CST7: variants seen among roughly 807,000 people sequenced by gnomAD.
CST7 encodes cystatin F, also known as cystatin-F.
Under a neutral mutation model 13.1 loss-of-function variants are expected in CST7, and 15 were observed. The ratio of observed to expected loss-of-function variants is 1.14; its 90% CI spans 0.77 to 1.76. The LOEUF is 1.76. Ranked by LOEUF, CST7 falls within the 40% of genes most tolerant of loss-of-function variation. CST7 has a pLI of 0.00. For synonymous variants in CST7, 75 were observed against 66.9 expected (o/e 1.12, Z -0.59); for missense variants, 193 against 178.8 (o/e 1.08, Z -0.45).
chr20:24,957,576 C>A, intron 2 of CST7, 117 bp downstream of exon 2: 4 of 1,039,492 alleles, frequency 3.8e-6, no homozygotes, highest in Non-Finnish European at 5.7e-6. Context: ...GAGTGCAGAG[C>A]TCTGAGCAGA....
intron 1 of CST7, among the ~76,000 whole-genome samples, chr20:24,952,854 G>GA (rs2087828517): frequency 1.3e-5 from 2 of 152,212 alleles, no homozygotes; most frequent in Admixed American, 6.5e-5. Flanking sequence ...GAACACTCCT[G>GA]AAAGAGGGAG....
intron 1 of CST7, among the ~76,000 whole-genome samples, chr20:24,955,680 A>T (rs2087849459): frequency 1.3e-5 from 2 of 152,068 alleles, no homozygotes; most frequent in Admixed American, 1.3e-4. Context: ...CGATCTCCTG[A>T]CCTCGTGATC....
At position 24,959,665 on chromosome 20, in the gene CST7, G is replaced by A. The variant is rs150607778; in HGVS notation, c.391G>A (p.Val131Met). Residue 131 changes from valine (V) to methionine (M), a missense_variant, in exon 4 of 4, where the codon GTG (valine) becomes ATG (methionine). Val to Met is a conservative substitution (Grantham distance 21, BLOSUM62 1). Transcript: ENST00000480798. ...TLSCYSEVWVVPWLQHFEVPV... is the reference protein window; with the variant it reads ...TLSCYSEVWVMPWLQHFEVPV... ...GAGCTGCTACTCTGAAGTCTGGGTC[G>A]TGCCCTGGCTCCAGCACTTCGAGGT... is the stretch of plus-strand genomic sequence containing the variant. The A allele has an allele frequency of 4.8e-5, 78 of 1,614,066 alleles. No homozygotes were observed. In the Middle Eastern group the frequency reaches 6.6e-4, roughly 14 times the overall value.
At chr20:24,949,598 C>G (rs768265509) in intron 1 of CST7, 23 bp downstream of exon 1, 1 of 1,613,256 alleles carries the variant, frequency 6.2e-7, no homozygotes, top group Non-Finnish European at 8.5e-7. Flanking sequence ...CTCCCCTGTC[C>G]GCTCCCCGGG....
Position 24,959,677 on chromosome 20 carries a change from C to T in CST7, c.403C>T (p.Gln135Ter), listed in dbSNP as rs2087883711. Residue 135 changes from glutamine (Q) to a stop codon, truncating the protein, a stop_gained, in exon 4 of 4, where the codon CAG (glutamine) becomes TAG (stop). Coordinates refer to ENST00000480798, the MANE Select transcript of CST7 (RefSeq NM_003650.4). LOFTEE classifies it high-confidence loss of function. ...TGAAGTCTGGGTCGTGCCCTGGCTC[C>T]AGCACTTCGAGGTGCCTGTTCTCCG... ...YSEVWVVPWL[Q>*]HFEVPVLRCH is the part of the protein sequence containing the mutation. 1 of 1,613,996 alleles carries T rather than the reference C, an allele frequency of 6.2e-7. No homozygotes were observed. The highest frequency in any genetic ancestry group is 1.3e-5 in the African/African-American group (1 of 74,904).
rs181711994 is a variant in CST7 at position 24,950,420 on chromosome 20, G to C, written c.70+845G>C. Among the ~76,000 whole-genome samples, 941 of 152,336 alleles carry C rather than the reference G, an allele frequency of 6.2e-3. 7 individuals carry two copies. Among genetic ancestry groups the C allele is most frequent in the South Asian group, 0.029 (142 of 4,828 alleles). ...AGAGGATGGCTCCAGAGCACCCAAG[G>C]GGTTCTTGGAGGGTTCTCACCTCCT... On this transcript the variant is annotated intron_variant, in intron 1 of 3. Transcript: ENST00000480798.
At position 24,959,705 on chromosome 20, in the gene CST7, G is replaced by A; in HGVS notation, c.431G>A (p.Cys144Tyr). The A allele has an allele frequency of 6.2e-7, 1 of 1,613,998 alleles. No homozygotes were observed. Among genetic ancestry groups the A allele is most frequent in the Non-Finnish European group, 8.5e-7 (1 of 1,180,006 alleles). Reference protein sequence around the residue: ...LQHFEVPVLRCH With the variant: ...LQHFEVPVLRYH ...CACTTCGAGGTGCCTGTTCTCCGTT[G>A]TCACTGACCCCCGCCTCTTCAGCAA... The change falls in exon 4 of 4, where the codon TGT becomes TAT. Residue 144 changes from cysteine (C) to tyrosine (Y), a missense_variant. Transcript: ENST00000480798.
At chr20:24,949,641 G>T in intron 1 of CST7, 66 bp downstream of exon 1, 3 of 1,596,548 alleles carry the variant, frequency 1.9e-6, no homozygotes, top group Non-Finnish European at 2.6e-6. Context: ...CTGGTGCCTT[G>T]GGTCTTCCCC....
intron 1 of CST7, among the ~76,000 whole-genome samples, chr20:24,950,806 C>T (rs1291071354): frequency 2.0e-5 from 3 of 152,174 alleles, no homozygotes; most frequent in Admixed American, 2.0e-4. Flanking sequence ...CTGCCTGCTG[C>T]CATTCTGTGC....
At chr20:24,949,954 G>C (rs1035309320) in intron 1 of CST7, among the ~76,000 whole-genome samples, 1 of 152,216 alleles carries the variant, frequency 6.6e-6, no homozygotes, top group Non-Finnish European at 1.5e-5. Flanking sequence ...CTGATGGCTT[G>C]TCATTCCTTC....
In CST7 at chr20:24,952,801, T is replaced by C. The variant is rs371684100; in HGVS notation, c.70+3226T>C. ...GGCACCCAGGTCCCCATCTCAGGGA[T>C]GGTTTCACAAGCAGGGGCTTCCCAA... On this transcript the variant is annotated intron_variant, in intron 1 of 3. Coordinates refer to ENST00000480798, the MANE Select transcript of CST7 (RefSeq NM_003650.4). Among the ~76,000 whole-genome samples, 16 of 152,300 alleles carry C rather than the reference T, an allele frequency of 1.1e-4. No individual in the cohort carries two copies. In the East Asian group the frequency reaches 1.7e-3, roughly 17 times the overall value.
chr20:24,957,060 C>CAGGGGGGGGGA (rs2087861529), intron 1 of CST7, among the ~76,000 whole-genome samples: 1 of 1,088 alleles, frequency 9.2e-4, no homozygotes, highest in Non-Finnish European at 2.0e-3. Context: ...TGAGGGAGAA[C>CAGGGGGGGGGA]AGGTGAGGGG....
At position 24,959,646 on chromosome 20, in the gene CST7, C is replaced by T. The variant is rs2087883377; in HGVS notation, c.372C>T (p.Cys124=). ...CTTCTCTGTTTCAGACTCTGAGCTGCTACTCTGAAGTCTGGGTCGTGCCCT... is the reference window on the plus strand; with the variant it reads ...CTTCTCTGTTTCAGACTCTGAGCTGTTACTCTGAAGTCTGGGTCGTGCCCT... ...TNHTLKQTLS[C]YSEVWVVPWL... is the part of the protein sequence containing the mutation. The change falls in exon 4 of 4, where the codon TGC becomes TGT. Residue 124 remains cysteine, a synonymous_variant. Coordinates refer to ENST00000480798, the MANE Select transcript of CST7 (RefSeq NM_003650.4). 1.9e-6 allele frequency: 3 copies of T among 1,614,132 alleles called. No homozygotes were observed. Among genetic ancestry groups the T allele is most frequent in the Non-Finnish European group, 2.5e-6 (3 of 1,180,012 alleles).
chr20:24,949,904 G>T (rs2087809326), intron 1 of CST7, among the ~76,000 whole-genome samples: 1 of 152,220 alleles, frequency 6.6e-6, no homozygotes, highest in African/African-American at 2.4e-5. Context: ...CGGGACGGAG[G>T]CGACAGGGCA....
At chr20:24,949,944 C>G (rs893739910) in intron 1 of CST7, among the ~76,000 whole-genome samples, 1 of 152,236 alleles carries the variant, frequency 6.6e-6, no homozygotes, top group Non-Finnish European at 1.5e-5. Context: ...CCGCTTCTAT[C>G]TGATGGCTTG....
chr20:24,950,544 G>A (rs2087812653), intron 1 of CST7, among the ~76,000 whole-genome samples: 1 of 152,202 alleles, frequency 6.6e-6, no homozygotes, highest in Non-Finnish European at 1.5e-5. Flanking sequence ...GAGCAGCCAA[G>A]GGGACACGGC....
chr20:24,959,854 C>G lies in CST7; in HGVS notation c.*142C>G, dbSNP rs12481584. The stretch of plus-strand genomic sequence containing the variant: ...AGCGGGTGAAGTGCCACTGGGTCAC[C>G]GCAGGGCAGCTGGAATGGCAGCATG... On this transcript the variant is annotated 3_prime_UTR_variant, in exon 4 of 4. Transcript: ENST00000480798. The G allele has an allele frequency of 4.3e-3, 3,188 of 743,906 alleles. 12 individuals carry two copies. The highest frequency in any genetic ancestry group is 6.2e-3 in the Non-Finnish European group (2,612 of 422,982). 46.1% of individuals were successfully genotyped at this position (743,906 alleles called of 1,614,324 possible). A position where few individuals can be genotyped will look rare whatever the true frequency, so the allele number is the denominator to read the frequency against.
At chr20:24,955,512 C>T (rs569198737) in intron 1 of CST7, among the ~76,000 whole-genome samples, 16 of 150,060 alleles carry the variant, frequency 1.1e-4, no homozygotes, top group Middle Eastern at 3.4e-3. Flanking sequence ...TGCAGTGGCG[C>T]GATCTCGGCT....
chr20:24,949,369 C>T lies in CST7; in HGVS notation c.-137C>T, dbSNP rs1275657692. ...GGATTGGCACGGGCACAGACCACTG[C>T]CCCCACCTGCCCTGCGCCATCTACC... On this transcript the variant is annotated 5_prime_UTR_variant, in exon 1 of 4. Coordinates refer to ENST00000480798, the MANE Select transcript of CST7 (RefSeq NM_003650.4). 7 of 1,571,530 alleles carry T rather than the reference C, an allele frequency of 4.5e-6. No individual in the cohort carries two copies. The East Asian group carries it at 1.1e-4, about 25-fold the overall frequency.
Sources: allele counts gnomAD v4.1 joint callset (sites outside exome capture counted in the v4.1 genomes callset), GRCh38; gene constraint gnomAD v4.1.1; transcripts MANE v1.5; gene names NCBI Gene and HGNC (gene_info 2026-07-23, HGNC 2026-07-21).